RGS6: variants seen among roughly 807,000 people sequenced by gnomAD.
RGS6 encodes the protein regulator of G-protein signaling 6.
A neutral mutation model predicts 78.5 loss-of-function variants in RGS6; 30 were observed. That is an observed-to-expected ratio of 0.38 (90% CI 0.29 to 0.52). The LOEUF is 0.52. RGS6 is among the 20% of genes least tolerant of loss of function. RGS6 has a pLI of 0.85. For synonymous variants in RGS6, 206 were observed against 206.0 expected, an observed-to-expected ratio of 1.00 and a Z score of 0.00; for missense variants, 495 against 609.7, an observed-to-expected ratio of 0.81 and a Z score of 1.98.
chr14:72,466,316 T>C (rs1481453339), intron 7 of RGS6, among the ~76,000 whole-genome samples: 1 of 152,150 alleles, frequency 6.6e-6, no homozygotes, highest in Non-Finnish European at 1.5e-5. Context: ...CTCTAGAAAA[T>C]AGCTTGGCAG....
At chr14:72,395,533 A>C (rs1566722833) in intron 3 of RGS6, among the ~76,000 whole-genome samples, 1 of 151,946 alleles carries the variant, frequency 6.6e-6, no homozygotes, top group African/African-American at 2.4e-5. Flanking sequence ...TATCCAACAT[A>C]ATTATTTTTT....
chr14:72,096,358 G>T (rs1273446821), intron 2 of RGS6, among the ~76,000 whole-genome samples: 5 of 151,842 alleles, frequency 3.3e-5, no homozygotes, highest in African/African-American at 1.2e-4. Context: ...CACAGAAAAC[G>T]CATACTTTTA....
At chr14:72,091,246 G>T (rs568525037) in intron 2 of RGS6, among the ~76,000 whole-genome samples, 2 of 152,232 alleles carry the variant, frequency 1.3e-5, no homozygotes, top group African/African-American at 4.8e-5. Context: ...TGTGGTATTG[G>T]CCCCTGCCTT....
chr14:71,922,184 G>A, the RGS6 span, among the ~76,000 whole-genome samples: 12 of 152,234 alleles, frequency 7.9e-5, no homozygotes, highest in African/African-American at 2.4e-4. Context: ...ATCATTTTCC[G>A]AAGTTTTTAA....
rs1185344353 is a variant in RGS6 at position 72,518,352 on chromosome 14, T to C, written c.1093T>C (p.Phe365Leu). 6.2e-7 allele frequency: 1 copy of C among 1,612,588 alleles called. No individual in the cohort carries two copies. Among genetic ancestry groups the C allele is most frequent in the Admixed American group, 1.7e-5 (1 of 59,964 alleles). Residue 365 changes from phenylalanine (F) to leucine (L), a missense_variant and splice_region_variant, in exon 15 of 18, where the codon TTC (phenylalanine) becomes CTC (leucine). Coordinates refer to ENST00000553525, the MANE Select transcript of RGS6 (RefSeq NM_001204424.2). Reference protein sequence around the residue: ...ESEFSSENLRFWLAVQDLKKQ... With the variant: ...ESEFSSENLRLWLAVQDLKKQ... Reference sequence around the variant, plus strand: ...ACTGTGTTTCTGCTCCCACTTCAGGTTCTGGCTGGCTGTCCAAGATCTTAA... The same window carrying C: ...ACTGTGTTTCTGCTCCCACTTCAGGCTCTGGCTGGCTGTCCAAGATCTTAA...
intron 3 of RGS6, among the ~76,000 whole-genome samples, chr14:72,448,711 C>T (rs1228012142): frequency 6.6e-6 from 1 of 152,008 alleles, no homozygotes; most frequent in African/African-American, 2.4e-5. Flanking sequence ...AAATTAATGC[C>T]TCTGTTTCAG....
chr14:71,877,812 G>C, the RGS6 span, among the ~76,000 whole-genome samples: 4 of 152,270 alleles, frequency 2.6e-5, no homozygotes, highest in East Asian at 7.7e-4. Flanking sequence ...CCTCTTTGTG[G>C]TTTTATCTAC....
chr14:72,477,638 T>G (rs1056135066), intron 11 of RGS6, among the ~76,000 whole-genome samples: 1 of 151,176 alleles, frequency 6.6e-6, no homozygotes, highest in Non-Finnish European at 1.5e-5. Flanking sequence ...CTACTAAAAA[T>G]AGAAAAAAGT....
chr14:71,953,341 A>G (rs1299833467), intron 1 of RGS6, among the ~76,000 whole-genome samples: 1 of 152,214 alleles, frequency 6.6e-6, no homozygotes, highest in African/African-American at 2.4e-5. Context: ...CCCTGTTACA[A>G]CAACTCAATT....
intron 3 of RGS6, among the ~76,000 whole-genome samples, chr14:72,413,456 G>A (rs922873773): frequency 7.9e-5 from 12 of 152,142 alleles, no homozygotes; most frequent in East Asian, 1.9e-4. Flanking sequence ...TTGAGCCTAT[G>A]TGTGTCTCTG....
intron 2 of RGS6, among the ~76,000 whole-genome samples, chr14:72,107,912 T>C (rs1050517005): frequency 3.3e-5 from 5 of 152,230 alleles, no homozygotes; most frequent in Admixed American, 3.3e-4. Context: ...AACATTTTTG[T>C]GCATATGCTA....
chr14:72,365,694 A>C (rs554036114), intron 3 of RGS6, among the ~76,000 whole-genome samples: 1 of 152,306 alleles, frequency 6.6e-6, no homozygotes, highest in South Asian at 2.1e-4. Flanking sequence ...TCTGGCTTTC[A>C]TATGTGTGAT....
chr14:72,356,098 TAGG>T (rs1275296277), intron 3 of RGS6, among the ~76,000 whole-genome samples: 2 of 152,302 alleles, frequency 1.3e-5, no homozygotes, highest in African/African-American at 4.8e-5. Flanking sequence ...AGGTGCCAGA[TAGG>T]AGGCTATTAT....
chr14:71,904,487 G>C, the RGS6 span, among the ~76,000 whole-genome samples: 1 of 152,188 alleles, frequency 6.6e-6, no homozygotes, highest in East Asian at 1.9e-4. Flanking sequence ...CCCCACAAGG[G>C]GAGAGCCTGT....
rs192377140 is a variant in RGS6, at chr14:71,958,439, T to C, written c.-20-6333T>C. 2.9e-3 allele frequency among the ~76,000 whole-genome samples: 443 copies of C among 152,348 alleles called. 2 individuals are homozygous for C. The highest frequency in any genetic ancestry group is 4.3e-3 in the Non-Finnish European group (293 of 68,032). Reference sequence around the variant, plus strand: ...CTGTAATGAGCTGTGCAAGAAATTCTAATCAGCAGGCCGGGCTGAGAACCA... The same window carrying C: ...CTGTAATGAGCTGTGCAAGAAATTCCAATCAGCAGGCCGGGCTGAGAACCA... On this transcript the variant is annotated intron_variant, in intron 1 of 17. Coordinates refer to ENST00000553525, the MANE Select transcript of RGS6 (RefSeq NM_001204424.2).
chr14:72,535,029 T>G (rs1025743098), intron 15 of RGS6, among the ~76,000 whole-genome samples: 2 of 152,234 alleles, frequency 1.3e-5, no homozygotes, highest in African/African-American at 4.8e-5. Flanking sequence ...ACAGCCAAGC[T>G]TTCCTGTGCA....
chr14:72,046,932 T>G (rs2092892964), intron 2 of RGS6, among the ~76,000 whole-genome samples: 1 of 152,178 alleles, frequency 6.6e-6, no homozygotes, highest in African/African-American at 2.4e-5. Context: ...AAAATTGACT[T>G]CACATAATAA....
intron 12 of RGS6, among the ~76,000 whole-genome samples, chr14:72,485,622 A>C (rs540663821): frequency 9.0e-4 from 137 of 152,136 alleles, no homozygotes; most frequent in Non-Finnish European, 1.5e-3. Context: ...CATCACCTTC[A>C]TTCCCTTTTC....
intron 3 of RGS6, among the ~76,000 whole-genome samples, chr14:72,378,194 G>A (rs1028703888): frequency 1.3e-5 from 2 of 151,962 alleles, no homozygotes; most frequent in Non-Finnish European, 2.9e-5. Flanking sequence ...CAAAACGTAC[G>A]GGACACAGCA....
Sources: allele counts gnomAD v4.1 joint callset (sites outside exome capture counted in the v4.1 genomes callset), GRCh38; gene constraint gnomAD v4.1.1; transcripts MANE v1.5; gene names NCBI Gene and HGNC (gene_info 2026-07-23, HGNC 2026-07-21).